Variants in NRXN3 observed in about 807,000 individuals in gnomAD.
The protein encoded by NRXN3 is neurexin III.
NRXN3 carries 32 observed loss-of-function variants against 137.6 expected under a neutral mutation model. The observed-to-expected ratio is 0.23, with a 90% CI of 0.18 to 0.31. The LOEUF is 0.31. Among genes scored for constraint, NRXN3 ranks in the 10% least tolerant of loss-of-function variants. NRXN3 has a pLI of 1.00. For missense variants in NRXN3, 1,574 were observed against 2,062.5 expected (o/e 0.76, Z 4.59); for synonymous variants, 798 against 784.5 (o/e 1.02, Z -0.29).
At chr14:79,556,227 T>C (rs1378467325) in intron 16 of NRXN3, among the ~76,000 whole-genome samples, 5 of 152,176 alleles carry the variant, frequency 3.3e-5, no homozygotes, top group Admixed American at 6.5e-5. Flanking sequence ...TTCCATTCTT[T>C]AGCATACTCA....
intron 1 of NRXN3, among the ~76,000 whole-genome samples, chr14:78,190,794 C>G (rs998100770): frequency 6.6e-6 from 1 of 152,102 alleles, no homozygotes; most frequent in Admixed American, 6.6e-5. Context: ...GTGCCTCAGC[C>G]TCCCGAGTAG....
intron 8 of NRXN3, among the ~76,000 whole-genome samples, chr14:78,740,052 A>T (rs948817301): frequency 6.6e-6 from 1 of 152,140 alleles, no homozygotes; most frequent in African/African-American, 2.4e-5. Context: ...TTGGGGGTGG[A>T]TGTGAGAGAG....
intron 16 of NRXN3, among the ~76,000 whole-genome samples, chr14:79,647,159 A>G (rs1244891322): frequency 7.3e-6 from 1 of 136,252 alleles, no homozygotes; most frequent in Non-Finnish European, 1.7e-5. Context: ...TCAACATGGT[A>G]GAGTGGCAAT....
chr14:79,791,537 A>T (rs1358173610), intron 19 of NRXN3, among the ~76,000 whole-genome samples: 3 of 146,032 alleles, frequency 2.1e-5, no homozygotes, highest in African/African-American at 7.5e-5. Context: ...TATAATAATT[A>T]TAATTAATTA....
intron 15 of NRXN3, among the ~76,000 whole-genome samples, chr14:79,357,234 A>G (rs1374871875): frequency 3.3e-5 from 5 of 152,172 alleles, no homozygotes; most frequent in African/African-American, 4.8e-5. Flanking sequence ...GCCCTCCATC[A>G]TTATTTTCTT....
intron 15 of NRXN3, among the ~76,000 whole-genome samples, chr14:79,126,270 A>G (rs894946682): frequency 2.0e-5 from 3 of 151,856 alleles, no homozygotes; most frequent in African/African-American, 7.3e-5. Flanking sequence ...GGTGCGCTGC[A>G]CCCACTAACT....
chr14:79,083,377 A>G (rs2047439115), intron 15 of NRXN3, among the ~76,000 whole-genome samples: 1 of 152,232 alleles, frequency 6.6e-6, no homozygotes, highest in South Asian at 2.1e-4. Context: ...ACATTCTCAA[A>G]AACAAAGGTC....
At chr14:78,791,860 T>C (rs2098806011) in intron 8 of NRXN3, among the ~76,000 whole-genome samples, 1 of 152,112 alleles carries the variant, frequency 6.6e-6, no homozygotes, top group African/African-American at 2.4e-5. Flanking sequence ...TTCTGCCATC[T>C]CTGAAGCTAC....
chr14:78,929,542 C>CT (rs574482068), intron 10 of NRXN3, among the ~76,000 whole-genome samples: 41 of 152,268 alleles, frequency 2.7e-4, no homozygotes, highest in African/African-American at 9.4e-4. Context: ...CGATCTCATT[C>CT]TTTTTTATGG....
At chr14:78,652,748 A>G (rs1235695203) in intron 6 of NRXN3, among the ~76,000 whole-genome samples, 4 of 152,224 alleles carry the variant, frequency 2.6e-5, no homozygotes, top group Admixed American at 2.6e-4. Flanking sequence ...CACATAGTAG[A>G]TGCATAATAA....
chr14:79,195,843 G>A (rs1327541446), intron 15 of NRXN3, among the ~76,000 whole-genome samples: 2 of 152,154 alleles, frequency 1.3e-5, no homozygotes, highest in African/African-American at 4.8e-5. Context: ...ATGGCCTTAA[G>A]GAATTGGGAA....
intron 15 of NRXN3, among the ~76,000 whole-genome samples, chr14:79,429,294 A>G (rs1251078316): frequency 6.6e-6 from 1 of 152,146 alleles, no homozygotes; most frequent in Non-Finnish European, 1.5e-5. Context: ...TTCCTATTCA[A>G]CCATAGGGCT....
intron 15 of NRXN3, among the ~76,000 whole-genome samples, chr14:79,261,485 G>C (rs532858649): frequency 1.3e-5 from 2 of 152,166 alleles, no homozygotes; most frequent in East Asian, 3.9e-4. Context: ...CATGGAAGAG[G>C]AGGCAGTTAA....
At chr14:78,981,174 A>C (rs1370531558) in intron 14 of NRXN3, among the ~76,000 whole-genome samples, 1 of 152,232 alleles carries the variant, frequency 6.6e-6, no homozygotes, top group African/African-American at 2.4e-5. Flanking sequence ...ATTTCTGTTC[A>C]TAAAATTGGA....
chr14:78,332,373 T>A (rs1377963753), intron 4 of NRXN3, among the ~76,000 whole-genome samples: 1 of 150,106 alleles, frequency 6.7e-6, no homozygotes, highest in Non-Finnish European at 1.5e-5. Flanking sequence ...TGGAGTGCAG[T>A]GGCATGATCT....
In NRXN3 at chr14:79,502,132, T is replaced by C. The variant is rs189294860; in HGVS notation, c.3444+34730T>C. On this transcript the variant is annotated intron_variant, in intron 16 of 20. Transcript: ENST00000335750. ...TCATTGACCAACTGCAGGTCTGGCA[T>C]GATCATCACAAAGAATTGGCACTTT... Among the ~76,000 whole-genome samples the C allele has an allele frequency of 5.9e-5, 9 of 152,326 alleles. No individual in the cohort carries two copies. The East Asian group carries it at 1.7e-3, about 29-fold the overall frequency.
At chr14:78,511,192 G>T (rs1289219773) in intron 4 of NRXN3, among the ~76,000 whole-genome samples, 1 of 152,074 alleles carries the variant, frequency 6.6e-6, no homozygotes, top group African/African-American at 2.4e-5. Context: ...TCTAACAACG[G>T]AGCCAATGCT....
intron 15 of NRXN3, among the ~76,000 whole-genome samples, chr14:79,244,756 T>C (rs921327977): frequency 6.6e-6 from 1 of 152,152 alleles, no homozygotes; most frequent in Non-Finnish European, 1.5e-5. Flanking sequence ...TTTATATAAT[T>C]ATTTCAGTTA....
At chr14:78,646,511 T>G (rs1430613875) in intron 5 of NRXN3, among the ~76,000 whole-genome samples, 1 of 152,226 alleles carries the variant, frequency 6.6e-6, no homozygotes, top group East Asian at 1.9e-4. Context: ...TCTTCTAATG[T>G]CAATGTGAAA....
Sources: allele counts gnomAD v4.1 joint callset (sites outside exome capture counted in the v4.1 genomes callset), GRCh38; gene constraint gnomAD v4.1.1; transcripts MANE v1.5; gene names NCBI Gene and HGNC (gene_info 2026-07-23, HGNC 2026-07-21).